The following CPSF2 variants were observed in gnomAD, a reference collection of about 807,000 sequenced individuals.
CPSF2 encodes the protein cleavage and polyadenylation specificity factor subunit 2.
CPSF2 carries 51 observed loss-of-function variants against 84.2 expected under a neutral mutation model. The ratio of observed to expected loss-of-function variants is 0.61; its 90% confidence interval spans 0.48 to 0.77. The LOEUF (loss-of-function observed/expected upper bound fraction) is 0.77. Among genes scored for constraint, CPSF2 ranks in the 30% least tolerant of loss-of-function variants. CPSF2 has a pLI of 0.00. For synonymous variants in CPSF2, 286 were observed against 311.9 expected, an observed-to-expected ratio of 0.92 and a Z score of 0.87; for missense variants, 641 against 929.4, an observed-to-expected ratio of 0.69 and a Z score of 4.03.
rs182396851 is a variant in CPSF2 at position 92,147,219 on chromosome 14, G to C, written c.1140+3925G>C. Among the ~76,000 whole-genome samples the C allele has an allele frequency of 2.6e-5, 4 of 152,294 alleles. 1 individual carries two copies. The East Asian group carries it at 7.7e-4, about 29-fold the overall frequency. ...GTTGAATTCATGAATAATCAAAAAA[G>C]TGAATATGGAATAAACTAGATTTCT... On this transcript the variant is annotated intron_variant, in intron 9 of 15. Coordinates refer to ENST00000298875, the MANE Select transcript of CPSF2 (RefSeq NM_017437.3).
chr14:92,143,106 GC>G lies in CPSF2; in HGVS notation c.955del (p.Arg319ValfsTer37). Reference protein sequence around the residue: ...LSLCHGLSDLARVPSPKVVLA... With the variant: ...LSLCHGLSDLXRVPSPKVVLA... ...TTTATGTCATGGTCTTTCTGACTTG[GC>G]CCGTGTACCTAGCCCTAAAGTTGTA... On this transcript the variant is annotated frameshift_variant, in exon 9 of 16. Coordinates refer to ENST00000298875, the MANE Select transcript of CPSF2 (RefSeq NM_017437.3). LOFTEE classifies it high-confidence loss of function. 1 of 1,614,042 alleles carries G rather than the reference GC, an allele frequency of 6.2e-7. No homozygotes were observed. Among genetic ancestry groups the G allele is most frequent in the Non-Finnish European group, 8.5e-7 (1 of 1,180,016 alleles).
chr14:92,166,756 A>AT lies in CPSF2; in HGVS notation c.*5019dup, dbSNP rs918609902. On this transcript the variant is annotated 3_prime_UTR_variant, in exon 16 of 16. Coordinates refer to ENST00000298875, the MANE Select transcript of CPSF2 (RefSeq NM_017437.3). ...TGTTGAAAAGACTATTTCTTCATTGATTTTTTTCTGCCACCCCTGTTTAAA... is the reference window on the plus strand; with the variant it reads ...TGTTGAAAAGACTATTTCTTCATTGATTTTTTTTCTGCCACCCCTGTTTAAA... 3 of 151,818 alleles carry AT rather than the reference A, an allele frequency of 2.0e-5. No individual in the cohort carries two copies. Among genetic ancestry groups the AT allele is most frequent in the Admixed American group, 6.6e-5 (1 of 15,226 alleles). The allele number at this position is 151,818 out of a possible 1,614,324, so 9.4% of individuals were successfully genotyped here.
chr14:92,135,521 A>G (rs1374014528), intron 6 of CPSF2, 25 bp downstream of exon 6: 2 of 1,583,560 alleles, frequency 1.3e-6, no homozygotes, highest in Non-Finnish European at 8.6e-7. Context: ...AGAAAAGCTA[A>G]AGGCAATGCA....
At chr14:92,154,491 G>T in intron 10 of CPSF2, 33 bp downstream of exon 10, 1 of 1,416,830 alleles carries the variant, frequency 7.1e-7, no homozygotes, top group South Asian at 1.3e-5. Flanking sequence ...ATAAATTTAT[G>T]GATGCAATTT....
chr14:92,130,235 T>C lies in CPSF2; in HGVS notation c.-34-716T>C, dbSNP rs917488235. ...TTAATGTTAAACTCCCTGAAAAGTT[T>C]GTGAATTTCTACGTGTATATGTACT... On this transcript the variant is annotated intron_variant, in intron 2 of 15. Coordinates refer to ENST00000298875, the MANE Select transcript of CPSF2 (RefSeq NM_017437.3). 8.4e-4 allele frequency among the ~76,000 whole-genome samples: 128 copies of C among 152,156 alleles called. 8 individuals are homozygous for C. Among genetic ancestry groups the C allele is most frequent in the South Asian group, 2.1e-4 (1 of 4,828 alleles).
chr14:92,159,805 C>G (rs974605761), intron 14 of CPSF2, among the ~76,000 whole-genome samples: 26 of 151,344 alleles, frequency 1.7e-4, no homozygotes, highest in African/African-American at 5.8e-4. Flanking sequence ...TAAGGAATGA[C>G]ATATCTTTAG....
At position 92,150,094 on chromosome 14, in the gene CPSF2, C is replaced by G. The variant is rs889945017; in HGVS notation, c.1141-4264C>G. On this transcript the variant is annotated intron_variant, in intron 9 of 15. Transcript: ENST00000298875. ...TTTGAGTCGTGAGTTAAACTAGCCA[C>G]TTTTTTCTGGGAACACCTTTTTTTT... 4.0e-5 allele frequency among the ~76,000 whole-genome samples: 6 copies of G among 151,266 alleles called. No homozygotes were observed. In the East Asian group the frequency reaches 1.2e-3, roughly 30 times the overall value.
At chr14:92,131,537 C>CA (rs200154444) in intron 3 of CPSF2, among the ~76,000 whole-genome samples, 101 of 149,094 alleles carry the variant, frequency 6.8e-4, no homozygotes, top group Middle Eastern at 7.0e-3. Flanking sequence ...ACTGATTCAT[C>CA]AAAAAAAAAA....
chr14:92,134,320 A>G lies in CPSF2; in HGVS notation c.380A>G (p.Gln127Arg). The G allele has an allele frequency of 6.2e-7, 1 of 1,612,896 alleles. No individual in the cohort carries two copies. Among genetic ancestry groups the G allele is most frequent in the Non-Finnish European group, 8.5e-7 (1 of 1,179,568 alleles). The change falls in exon 5 of 16, where the codon CAG becomes CGG. Residue 127 changes from glutamine (Q) to arginine (R), a missense_variant. By Grantham distance (43) the Gln-to-Arg change is conservative. Around this residue, in one of 2 missense-constraint regions of CPSF2, gnomAD observed 211 missense variants for 375.7 expected, o/e 0.56. Coordinates refer to ENST00000298875, the MANE Select transcript of CPSF2 (RefSeq NM_017437.3). ...GTGGATGCAGCCTTTGATAAAATAC[A>G]GCAGCTAAAATTCTCTCAGATTGTG... Reference protein sequence around the residue: ...DDVDAAFDKIQQLKFSQIVNL... With the variant: ...DDVDAAFDKIRQLKFSQIVNL...
intron 8 of CPSF2, 107 bp from the exon 9 acceptor site, chr14:92,142,897 C>A: frequency 1.0e-6 from 1 of 956,844 alleles, no homozygotes; most frequent in Non-Finnish European, 1.5e-6. Context: ...CAAATTTAAG[C>A]AACCAGTGGG....
chr14:92,122,273 C>A, intron 1 of CPSF2, 145 bp downstream of exon 1: 1 of 256,442 alleles, frequency 3.9e-6, no homozygotes. Context: ...CCCGGTCGTT[C>A]CCGGCAGAAG....
chr14:92,161,862 TACATGTATC>T lies in CPSF2; in HGVS notation c.*120_*128del. ...ACAAAAAGAATCTGCCAGAAAAACT[TACATGTATC>T]AGATTTTTAAAAATATAAATAGAGA... On this transcript the variant is annotated 3_prime_UTR_variant, in exon 16 of 16. Transcript: ENST00000298875. 1 of 606,982 alleles carries T rather than the reference TACATGTATC, an allele frequency of 1.6e-6. No homozygotes were observed. Among genetic ancestry groups the T allele is most frequent in the South Asian group, 2.1e-5 (1 of 47,038 alleles). 37.6% of individuals were successfully genotyped at this position (606,982 alleles called of 1,614,324 possible).
Position 92,161,860 on chromosome 14 carries a change from C to A in CPSF2, c.*116C>A. 1.6e-6 allele frequency: 1 copy of A among 611,840 alleles called. No homozygotes were observed. The highest frequency in any genetic ancestry group is 2.8e-6 in the Non-Finnish European group (1 of 360,636). The allele number at this position is 611,840 out of a possible 1,614,324, so 37.9% of individuals were successfully genotyped here. On this transcript the variant is annotated 3_prime_UTR_variant, in exon 16 of 16. Coordinates refer to ENST00000298875, the MANE Select transcript of CPSF2 (RefSeq NM_017437.3). ...ATACAAAAAGAATCTGCCAGAAAAA[C>A]TTACATGTATCAGATTTTTAAAAAT...
chr14:92,137,091 CAAGTATT>C (rs1443110148), intron 6 of CPSF2, among the ~76,000 whole-genome samples: 1 of 150,808 alleles, frequency 6.6e-6, no homozygotes, highest in Admixed American at 6.6e-5. Flanking sequence ...TATATAAGAT[CAAGTATT>C]AATTTATTAA....
intron 9 of CPSF2, among the ~76,000 whole-genome samples, chr14:92,143,987 C>T (rs57490005): frequency 0.012 from 1,859 of 152,262 alleles, 41 homozygotes; most frequent in African/African-American, 0.042. Context: ...TATCCTGTAG[C>T]CCCCTGAAGT....
At chr14:92,141,090 A>G (rs1354003181) in intron 7 of CPSF2, among the ~76,000 whole-genome samples, 3 of 152,162 alleles carry the variant, frequency 2.0e-5, no homozygotes, top group Admixed American at 6.6e-5. Flanking sequence ...GCATACATAC[A>G]TACAAACTAT....
rs1463448644 is a variant in CPSF2, at chr14:92,163,330, G to A, written c.*1586G>A. Reference sequence around the variant, plus strand: ...TAAAGCTACTATTGTAGATTATAGTGTTAATGCAAAGTTTACAGACTTTTG... The same window carrying A: ...TAAAGCTACTATTGTAGATTATAGTATTAATGCAAAGTTTACAGACTTTTG... On this transcript the variant is annotated 3_prime_UTR_variant, in exon 16 of 16. Coordinates refer to ENST00000298875, the MANE Select transcript of CPSF2 (RefSeq NM_017437.3). 6.6e-6 allele frequency: 1 copy of A among 152,330 alleles called. No homozygotes were observed. Among genetic ancestry groups the A allele is most frequent in the Non-Finnish European group, 1.5e-5 (1 of 68,024 alleles). 9.4% of individuals were successfully genotyped at this position (152,330 alleles called of 1,614,324 possible).
intron 10 of CPSF2, 132 bp downstream of exon 10, chr14:92,154,590 T>C (rs1306553493): frequency 1.7e-6 from 1 of 596,398 alleles, no homozygotes; most frequent in Non-Finnish European, 3.0e-6. Context: ...ATCTTTCAAA[T>C]GTCTAGAATA....
chr14:92,123,174 C>G (rs1321429793), intron 1 of CPSF2, among the ~76,000 whole-genome samples: 1 of 152,232 alleles, frequency 6.6e-6, no homozygotes, highest in Non-Finnish European at 1.5e-5. Flanking sequence ...GTCGCCCAGG[C>G]TGGAGTGCAG....
Sources: allele counts gnomAD v4.1 joint callset (sites outside exome capture counted in the v4.1 genomes callset), GRCh38; gene constraint gnomAD v4.1.1; regional missense constraint gnomAD v4.1.1; transcripts MANE v1.5; gene names NCBI Gene and HGNC (gene_info 2026-07-23, HGNC 2026-07-21).